The following OR2L13 variants were observed in gnomAD, a reference collection of about 807,000 sequenced individuals.
OR2L13 encodes the protein olfactory receptor 2L13.
In OR2L13, 14 loss-of-function variants were observed where a neutral mutation model predicts 15.3. That is an observed-to-expected ratio of 0.91 (90% CI 0.60 to 1.43). OR2L13 has a LOEUF of 1.43. Ranked by LOEUF, OR2L13 falls within the 40% of genes most tolerant of loss-of-function variation. The pLI is 0.00. For missense variants in OR2L13, 367 were observed against 387.9 expected (o/e 0.95, Z 0.45); for synonymous variants, 152 against 142.9 (o/e 1.06, Z -0.45).
At chr1:248,055,929 T>C in the OR2L13 span, 3 of 152,246 alleles carry the variant, frequency 2.0e-5, no homozygotes, top group South Asian at 6.2e-4. Context: ...AAGCTATTTA[T>C]TATTGCCTCA....
chr1:248,016,333 C>G, the OR2L13 span, among the ~76,000 whole-genome samples: 1 of 152,006 alleles, frequency 6.6e-6, no homozygotes, highest in African/African-American at 2.4e-5. Flanking sequence ...GTGAATTATT[C>G]CAACAGATAA....
chr1:247,944,926 CTATT>C, the OR2L13 span, among the ~76,000 whole-genome samples: 3 of 151,542 alleles, frequency 2.0e-5, no homozygotes, highest in Admixed American at 6.6e-5. Context: ...AATGATCTAT[CTATT>C]TTATTGATTT....
the OR2L13 span, chr1:248,083,561 T>G: frequency 9.8e-7 from 1 of 1,017,410 alleles, no homozygotes; most frequent in Non-Finnish European, 1.5e-6. Flanking sequence ...GTTCATGAAC[T>G]ACTAAAGGGA....
At chr1:248,065,983 T>C in the OR2L13 span, among the ~76,000 whole-genome samples, 1 of 152,116 alleles carries the variant, frequency 6.6e-6, no homozygotes, top group African/African-American at 2.4e-5. Context: ...GAATAGAAAA[T>C]AGCCCTTCAC....
chr1:247,978,777 C>T, the OR2L13 span, among the ~76,000 whole-genome samples: 1 of 151,918 alleles, frequency 6.6e-6, no homozygotes, highest in Non-Finnish European at 1.5e-5. Context: ...TCTGGGCTTC[C>T]TTGTGTTGCG....
the OR2L13 span, among the ~76,000 whole-genome samples, chr1:247,974,090 C>T: frequency 6.6e-6 from 1 of 152,170 alleles, no homozygotes; most frequent in Admixed American, 6.5e-5. Context: ...ATGGAATACT[C>T]TGCAGCCATG....
upstream of OR2L13, among the ~76,000 whole-genome samples, chr1:248,092,190 G>A (rs563592647): frequency 2.0e-5 from 3 of 152,220 alleles, no homozygotes; most frequent in Admixed American, 6.5e-5. Context: ...AGACTATGGG[G>A]TTTTCCAGAT....
At chr1:247,937,616 G>C in the OR2L13 span, 1 of 158,428 alleles carries the variant, frequency 6.3e-6, no homozygotes, top group East Asian at 2.0e-4. Context: ...CAACCCCTCA[G>C]CTACGGGGCT....
the OR2L13 span, among the ~76,000 whole-genome samples, chr1:248,087,001 A>G: frequency 6.6e-6 from 1 of 151,940 alleles, no homozygotes; most frequent in Non-Finnish European, 1.5e-5. Context: ...CTGGTAGGTA[A>G]ACTGATTATC....
the OR2L13 span, among the ~76,000 whole-genome samples, chr1:248,000,123 G>GGTGTGTGTGTGTGTGTGTGTGTGT: frequency 6.5e-5 from 9 of 138,296 alleles, no homozygotes; most frequent in African/African-American, 1.3e-4. Context: ...TTTTTTTTTT[G>GGTGTGTGTGTGTGTGTGTGTGTGT]GTGTGTGTGT....
chr1:248,062,819 T>G, the OR2L13 span: 2 of 152,340 alleles, frequency 1.3e-5, no homozygotes, highest in African/African-American at 4.8e-5. Flanking sequence ...ATGCATTGTA[T>G]GCCTTTATCA....
chr1:248,027,667 C>G, the OR2L13 span, among the ~76,000 whole-genome samples: 1 of 152,002 alleles, frequency 6.6e-6, no homozygotes. Flanking sequence ...TGAATTTCCC[C>G]TGATATATTG....
chr1:247,946,055 T>C, the OR2L13 span, among the ~76,000 whole-genome samples: 3 of 152,186 alleles, frequency 2.0e-5, no homozygotes, highest in East Asian at 5.8e-4. Flanking sequence ...ATTTTCAGTG[T>C]GTAAAGTTTT....
the OR2L13 span, among the ~76,000 whole-genome samples, chr1:248,011,447 G>C: frequency 5.9e-5 from 9 of 152,030 alleles, no homozygotes; most frequent in Admixed American, 2.6e-4. Context: ...TCTTCTCGAG[G>C]AGTATCTTTG....
chr1:247,976,416 C>G, the OR2L13 span, among the ~76,000 whole-genome samples: 6,505 of 152,226 alleles, frequency 0.043, 452 homozygotes, highest in African/African-American at 0.15. Flanking sequence ...CCTGCTTAGG[C>G]ATGTGCCTAA....
chr1:248,059,500 C>T, the OR2L13 span, among the ~76,000 whole-genome samples: 1 of 152,176 alleles, frequency 6.6e-6, no homozygotes. Flanking sequence ...TCTGCTTTAA[C>T]TAGAGAATTT....
chr1:248,095,852 G>A (rs563143831), upstream of OR2L13, among the ~76,000 whole-genome samples: 56 of 150,588 alleles, frequency 3.7e-4, no homozygotes, highest in Non-Finnish European at 6.5e-4. Context: ...TGATCCGCCC[G>A]CCTTGGCCTC....
At chr1:248,034,550 A>T in the OR2L13 span, among the ~76,000 whole-genome samples, 1 of 152,228 alleles carries the variant, frequency 6.6e-6, no homozygotes, top group South Asian at 2.1e-4. Flanking sequence ...TTGAATCTTT[A>T]AGTGACTTTG....
the OR2L13 span, among the ~76,000 whole-genome samples, chr1:248,051,769 T>TTTTATTTATTTATTTA: frequency 6.6e-6 from 1 of 151,382 alleles, no homozygotes; most frequent in African/African-American, 2.4e-5. Context: ...TCTGCTTTTA[T>TTTTATTTATTTATTTA]TTTATTTATT....
Sources: allele counts gnomAD v4.1 joint callset (sites outside exome capture counted in the v4.1 genomes callset), GRCh38; gene constraint gnomAD v4.1.1; transcripts MANE v1.5; gene names NCBI Gene and HGNC (gene_info 2026-07-23, HGNC 2026-07-21).